The following SENP7 variants were observed in gnomAD, a reference collection of about 807,000 sequenced individuals.
SENP7 encodes the protein SUMO specific peptidase 7, also known as sentrin-specific protease 7.
A neutral mutation model predicts 141.2 loss-of-function variants in SENP7; 64 were observed. The observed-to-expected ratio is 0.45, with a 90% CI of 0.37 to 0.56. The LOEUF (loss-of-function observed/expected upper bound fraction) is 0.56. SENP7 is among the 20% of genes least tolerant of loss of function. SENP7 has a pLI of 0.00. For synonymous variants in SENP7, 382 were observed against 426.4 expected (o/e 0.90, Z 1.28); for missense variants, 1,025 against 1,212.2 (o/e 0.85, Z 2.29).
chr3:101,381,675 C>T (rs939413355), intron 6 of SENP7, among the ~76,000 whole-genome samples: 7 of 151,772 alleles, frequency 4.6e-5, no homozygotes, highest in South Asian at 2.1e-4. Flanking sequence ...AAGAGTTAAC[C>T]GTGCAAATGA....
chr3:101,358,891 T>A (rs1259433369), intron 11 of SENP7: 1 of 153,260 alleles, frequency 6.5e-6, no homozygotes, highest in Non-Finnish European at 1.5e-5. Context: ...TGCCTCAGTC[T>A]CCTAAAGTGC....
chr3:101,467,620 C>T (rs747596354), intron 3 of SENP7, among the ~76,000 whole-genome samples: 1 of 152,214 alleles, frequency 6.6e-6, no homozygotes, highest in Non-Finnish European at 1.5e-5. Context: ...AGGGACCTGA[C>T]TGTTAGAAGG....
At chr3:101,444,676 G>T (rs960550483) in intron 4 of SENP7, among the ~76,000 whole-genome samples, 3 of 148,630 alleles carry the variant, frequency 2.0e-5, no homozygotes, top group Non-Finnish European at 4.4e-5. Context: ...CTCACTCATA[G>T]GTGGGAATTG....
intron 3 of SENP7, 92 bp downstream of exon 3, chr3:101,493,781 C>A: frequency 1.4e-6 from 1 of 719,206 alleles, no homozygotes; most frequent in South Asian, 2.3e-5. Context: ...AAAAAAGGGA[C>A]ATATCAGAAA....
intron 3 of SENP7, among the ~76,000 whole-genome samples, chr3:101,463,364 A>AAC (rs2063617043): frequency 1.1e-5 from 1 of 89,248 alleles, no homozygotes; most frequent in Admixed American, 1.4e-4. Context: ...TAAATAAATA[A>AAC]ATATATATAT....
chr3:101,347,906 C>A lies in SENP7; in HGVS notation c.1803G>T (p.Gln601His). 1 of 1,601,218 alleles carries A rather than the reference C, an allele frequency of 6.2e-7. No individual in the cohort carries two copies. Among genetic ancestry groups the A allele is most frequent in the Non-Finnish European group, 8.5e-7 (1 of 1,171,890 alleles). Reference sequence around the variant, plus strand: ...TTAATACAGAGTGTTCTAATTGGGTCTGAATCTCTTGAAGATAATCTGAAG... The same window carrying A: ...TTAATACAGAGTGTTCTAATTGGGTATGAATCTCTTGAAGATAATCTGAAG... The part of the protein sequence containing the change: ...WVSSDYLQEI[Q>H]TQLEHSVLSQ... The change falls in exon 13 of 24, where the codon CAG becomes CAT. Residue 601 changes from glutamine to histidine, a missense_variant. By Grantham distance (24) the Gln-to-His change is conservative (BLOSUM62 0). This residue lies in a region of SENP7 where 228 missense variants were observed against 228.5 expected (regional missense o/e 1.00). Coordinates refer to ENST00000394095, the MANE Select transcript of SENP7 (RefSeq NM_020654.5).
chr3:101,337,262 T>C, intron 17 of SENP7: 1 of 256,184 alleles, frequency 3.9e-6, no homozygotes. Context: ...TTCCTTGCCC[T>C]CCAACTTCCA....
At chr3:101,380,443 C>CG (rs767226656) in intron 6 of SENP7, among the ~76,000 whole-genome samples, 2 of 94,204 alleles carry the variant, frequency 2.1e-5, no homozygotes, top group African/African-American at 3.4e-5. Flanking sequence ...CCGCCCCCCC[C>CG]CCCACACACA....
At position 101,366,737 on chromosome 3, in the gene SENP7, A is replaced by T; in HGVS notation, c.1011T>A (p.Thr337=). Reference sequence around the variant, plus strand: ...AGTTTTCACTTGGCTTTTCAAACTCAGTGGATATTGTTGAGTCATCTTCTT... The same window carrying T: ...AGTTTTCACTTGGCTTTTCAAACTCTGTGGATATTGTTGAGTCATCTTCTT... ...KKQEDDSTIS[T]EFEKPSENYH... Residue 337 remains threonine (T), a synonymous_variant, in exon 9 of 24, where the codon ACT becomes ACA. Coordinates refer to ENST00000394095, the MANE Select transcript of SENP7 (RefSeq NM_020654.5). 1 of 1,608,698 alleles carries T rather than the reference A, an allele frequency of 6.2e-7. No homozygotes were observed. Among genetic ancestry groups the T allele is most frequent in the Non-Finnish European group, 8.5e-7 (1 of 1,176,928 alleles).
At chr3:101,373,529 T>C (rs1451182946) in intron 6 of SENP7, among the ~76,000 whole-genome samples, 1 of 152,136 alleles carries the variant, frequency 6.6e-6, no homozygotes, top group Non-Finnish European at 1.5e-5. Context: ...AACAGTGTAA[T>C]AGTCCTTGTT....
chr3:101,354,047 A>C lies in SENP7; in HGVS notation c.1624-2396T>G, dbSNP rs56757596. 2.2e-3 allele frequency among the ~76,000 whole-genome samples: 342 copies of C among 152,048 alleles called. 1 individual carries two copies. Among genetic ancestry groups the C allele is most frequent in the African/African-American group, 7.8e-3 (322 of 41,540 alleles). ...AAAACCTGAAAAACCTGAAATTTTT[A>C]CCCTTTTCCCTTTTTTAGGTTATTC... On this transcript the variant is annotated intron_variant, in intron 11 of 23. Coordinates refer to ENST00000394095, the MANE Select transcript of SENP7 (RefSeq NM_020654.5).
intron 1 of SENP7, among the ~76,000 whole-genome samples, chr3:101,512,485 CTTTG>C (rs1437179036): frequency 1.3e-5 from 2 of 152,182 alleles, no homozygotes; most frequent in African/African-American, 2.4e-5. Context: ...GCTTCAAATC[CTTTG>C]TTTGACTTTC....
At chr3:101,419,848 A>C (rs918413884) in intron 4 of SENP7, among the ~76,000 whole-genome samples, 2 of 152,198 alleles carry the variant, frequency 1.3e-5, no homozygotes, top group Non-Finnish European at 2.9e-5. Context: ...ACAATGATTT[A>C]TTTCATTTAA....
At chr3:101,348,242 A>AAAATAAATC (rs1223672874) in intron 12 of SENP7, among the ~76,000 whole-genome samples, 191 bp from the exon 13 acceptor site, 2 of 152,316 alleles carry the variant, frequency 1.3e-5, no homozygotes, top group Admixed American at 1.3e-4. Context: ...TATTAGAGTA[A>AAAATAAATC]AAATAAATCA....
intron 3 of SENP7, among the ~76,000 whole-genome samples, chr3:101,469,820 G>C (rs1175719880): frequency 1.4e-4 from 6 of 44,024 alleles, no homozygotes; most frequent in Admixed American, 5.2e-4. Context: ...GACAGAGCAA[G>C]ACTCCGTCTC....
chr3:101,374,039 G>A (rs578186500), intron 6 of SENP7, among the ~76,000 whole-genome samples: 1 of 152,200 alleles, frequency 6.6e-6, no homozygotes, highest in South Asian at 2.1e-4. Flanking sequence ...TTTTTAAATA[G>A]CCAAGCAAAT....
intron 4 of SENP7, among the ~76,000 whole-genome samples, chr3:101,446,941 T>TA (rs548680041): frequency 4.0e-5 from 6 of 150,618 alleles, no homozygotes; most frequent in Middle Eastern, 3.5e-3. Context: ...AATGAAGACT[T>TA]AAAAAAAATC....
chr3:101,346,022 C>G (rs1350725124), intron 13 of SENP7, among the ~76,000 whole-genome samples: 1 of 151,996 alleles, frequency 6.6e-6, no homozygotes, highest in East Asian at 1.9e-4. Flanking sequence ...TCTATGCATC[C>G]AACAAAGGAC....
intron 6 of SENP7, among the ~76,000 whole-genome samples, chr3:101,375,098 A>AT (rs908215580): frequency 3.2e-4 from 49 of 151,804 alleles, no homozygotes; most frequent in South Asian, 2.9e-3. Context: ...TTAAAAAAAA[A>AT]TTTTTTTTTC....
Sources: gnomAD v4.1 joint callset for allele counts (sites outside exome capture counted in the v4.1 genomes callset) on GRCh38, gnomAD v4.1.1 for gene constraint, gnomAD v4.1.1 regional missense constraint, MANE v1.5 for transcripts, NCBI Gene and HGNC (gene_info 2026-07-23, HGNC 2026-07-21) for gene names.